Variants in SLC19A3 observed in about 807,000 individuals in gnomAD.
The protein encoded by SLC19A3 is thiamine transporter 2.
Under a neutral mutation model 40.2 loss-of-function variants are expected in SLC19A3, and 31 were observed. The ratio of observed to expected loss-of-function variants is 0.77; its 90% CI spans 0.58 to 1.04. The LOEUF (loss-of-function observed/expected upper bound fraction) is 1.04. Ranked by LOEUF, SLC19A3 falls within the 50% of genes least tolerant of loss-of-function variation. The pLI, the probability that SLC19A3 is intolerant of heterozygous loss-of-function variation, is 0.00. For synonymous variants in SLC19A3, 212 were observed against 227.5 expected, an observed-to-expected ratio of 0.93 and a Z score of 0.61; for missense variants, 592 against 596.7, an observed-to-expected ratio of 0.99 and a Z score of 0.08.
At chr2:227,690,706 C>CAAAAAA (rs34163746) in intron 4 of SLC19A3, among the ~76,000 whole-genome samples, 2 of 39,144 alleles carry the variant, frequency 5.1e-5, no homozygotes, top group Admixed American at 4.5e-4. Flanking sequence ...GACTCCATCT[C>CAAAAAA]AAAAAAAAAA....
At chr2:227,699,663 G>C in intron 2 of SLC19A3, 99 bp from the exon 3 acceptor site, 1 of 976,898 alleles carries the variant, frequency 1.0e-6, no homozygotes, top group Non-Finnish European at 1.6e-6. Context: ...GAAATTATTC[G>C]CATTACGGAG....
intron 3 of SLC19A3, 51 bp downstream of exon 3, chr2:227,698,685 G>C (rs575454292): frequency 6.7e-7 from 1 of 1,491,850 alleles, no homozygotes; most frequent in African/African-American, 1.4e-5. Context: ...CTGGAGGAAT[G>C]GACTTAAGCG....
chr2:227,696,799 C>A (rs909776320), intron 3 of SLC19A3, among the ~76,000 whole-genome samples: 1 of 152,254 alleles, frequency 6.6e-6, no homozygotes, highest in East Asian at 1.9e-4. Context: ...GGGACAGTGG[C>A]GCACTCCTGT....
Position 227,711,191 on chromosome 2 carries a change from G to A in SLC19A3, c.-3+6752C>T, listed in dbSNP as rs188404358. On this transcript the variant is annotated intron_variant, in intron 1 of 5. Transcript: ENST00000644224. ...CCAGCATTTTGGGAGGCTGAGACAG[G>A]CAGATCACCTCAGGTCAGGAGTTCG... Among the ~76,000 whole-genome samples, 20 of 152,224 alleles carry A rather than the reference G, an allele frequency of 1.3e-4. 1 individual carries two copies. The East Asian group carries it at 3.7e-3, about 28-fold the overall frequency.
In SLC19A3 at chr2:227,703,899, A is replaced by C; in HGVS notation, c.-2-1579T>G. Reference sequence around the variant, plus strand: ...GCCACAGTGATCCACAGGCTGCTAAAAGCCTGCTGGATTATCTATCTTTTT... The same window carrying C: ...GCCACAGTGATCCACAGGCTGCTAACAGCCTGCTGGATTATCTATCTTTTT... On this transcript the variant is annotated intron_variant, in intron 1 of 5. Transcript: ENST00000644224. The surrounding 1 kb of genome is among the most constrained non-coding windows in gnomAD (Gnocchi z 4.7). Among the ~76,000 whole-genome samples the C allele has an allele frequency of 6.6e-6, 1 of 152,196 alleles. No homozygotes were observed. Among genetic ancestry groups the C allele is most frequent in the Non-Finnish European group, 1.5e-5 (1 of 68,032 alleles).
intron 1 of SLC19A3, chr2:227,714,529 C>A: frequency 1.0e-6 from 1 of 985,352 alleles, no homozygotes. Context: ...TCTGCTCCTT[C>A]CTGCTGCCCG....
At position 227,699,077 on chromosome 2, in the gene SLC19A3, A is replaced by T; in HGVS notation, c.638T>A (p.Val213Glu). Residue 213 changes from valine to glutamate, a missense_variant, in exon 3 of 6, where the codon GTG becomes GAG. Coordinates refer to ENST00000644224, the MANE Select transcript of SLC19A3 (RefSeq NM_025243.4). ...PSREIKKSSS[V>E]NPVLEETHEG... is the part of the protein sequence containing the mutation. ...GTGAGTTTCCTCTAATACTGGATTC[A>T]CGCTTGATGACTTCTTTATTTCTCT... 1 of 1,614,180 alleles carries T rather than the reference A, an allele frequency of 6.2e-7. No individual in the cohort carries two copies. The highest frequency in any genetic ancestry group is 8.5e-7 in the Non-Finnish European group (1 of 1,180,036).
chr2:227,690,482 C>T (rs1185839780), intron 4 of SLC19A3, among the ~76,000 whole-genome samples: 1 of 151,742 alleles, frequency 6.6e-6, no homozygotes, highest in Non-Finnish European at 1.5e-5. Context: ...CCGAGGTGGG[C>T]AGATCATGAG....
chr2:227,697,998 G>A (rs1461308506), intron 3 of SLC19A3, among the ~76,000 whole-genome samples: 1 of 151,886 alleles, frequency 6.6e-6, no homozygotes, highest in African/African-American at 2.4e-5. Flanking sequence ...AGAATAGCTT[G>A]AACCTGGGAG....
chr2:227,706,309 T>C (rs1695940156), intron 1 of SLC19A3: 10 of 1,231,642 alleles, frequency 8.1e-6, no homozygotes. Context: ...TTTTCTGAGT[T>C]CATACCTGTG....
chr2:227,697,440 T>C (rs1695480762), intron 3 of SLC19A3, among the ~76,000 whole-genome samples: 1 of 152,212 alleles, frequency 6.6e-6, no homozygotes, highest in South Asian at 2.1e-4. Context: ...AAGACAGATT[T>C]CCCTCTGATA....
At position 227,703,982 on chromosome 2, in the gene SLC19A3, G is replaced by GA. The variant is rs56145335; in HGVS notation, c.-2-1663dup. Reference sequence around the variant, plus strand: ...TCGATTTAGTTGGGATGGTCAAGCAGAAAAAAACCTATAATAAGACATGCC... The same window carrying GA: ...TCGATTTAGTTGGGATGGTCAAGCAGAAAAAAAACCTATAATAAGACATGCC... On this transcript the variant is annotated intron_variant, in intron 1 of 5. Coordinates refer to ENST00000644224, the MANE Select transcript of SLC19A3 (RefSeq NM_025243.4). The surrounding 1 kb of genome is among the most constrained non-coding windows in gnomAD (Gnocchi z 4.7). Among the ~76,000 whole-genome samples, 147,520 of 152,086 alleles carry GA rather than the reference G, an allele frequency of 0.97. 71,695 individuals are homozygous for GA. The highest frequency in any genetic ancestry group is 1 in the Non-Finnish European group (67,973 of 68,006).
At chr2:227,689,488 C>T (rs1695140726) in intron 4 of SLC19A3, among the ~76,000 whole-genome samples, 2 of 152,186 alleles carry the variant, frequency 1.3e-5, no homozygotes, top group Admixed American at 6.5e-5. Context: ...AAAACTTTTA[C>T]CCTAGAATAG....
rs1212944012 is a variant in SLC19A3, at chr2:227,685,371, G to GT, written c.*2025dup. On this transcript the variant is annotated 3_prime_UTR_variant, in exon 6 of 6. Transcript: ENST00000644224. ...AGCAGGAGAAAGAGAGAGTGGGGAG[G>GT]TGCTACACACTTTTAAACTACCAGA... The GT allele has an allele frequency of 6.6e-6, 1 of 152,280 alleles. No homozygotes were observed. The highest frequency in any genetic ancestry group is 6.6e-5 in the Admixed American group (1 of 15,266). 9.4% of individuals were successfully genotyped at this position (152,280 alleles called of 1,614,324 possible).
chr2:227,702,156 T>C lies in SLC19A3; in HGVS notation c.150+13A>G. The C allele has an allele frequency of 6.2e-7, 1 of 1,608,014 alleles. No homozygotes were observed. The highest frequency in any genetic ancestry group is 2.2e-5 in the East Asian group (1 of 44,824). On this transcript the variant is annotated intron_variant, in intron 2 of 5. Coordinates refer to ENST00000644224, the MANE Select transcript of SLC19A3 (RefSeq NM_025243.4). ...AAAAAACCACATTAAGATATGTATG[T>C]ATGTTAACTTACCTCTGCACTGGTC...
chr2:227,692,036 AC>A (rs1695251628), intron 4 of SLC19A3, among the ~76,000 whole-genome samples: 1 of 152,186 alleles, frequency 6.6e-6, no homozygotes, highest in African/African-American at 2.4e-5. Flanking sequence ...GAAATCCAAA[AC>A]CTGAGAAGAC....
At chr2:227,707,080 C>G (rs113194857) in intron 1 of SLC19A3, among the ~76,000 whole-genome samples, 4 of 152,178 alleles carry the variant, frequency 2.6e-5, no homozygotes, top group Middle Eastern at 3.2e-3. Context: ...TGCACCTGCA[C>G]GGCAGACCAG....
chr2:227,698,950 G>C lies in SLC19A3; in HGVS notation c.765C>G (p.Ser255Arg). Residue 255 changes from serine to arginine, a missense_variant, in exon 3 of 6, where the codon AGC becomes AGG. Transcript: ENST00000644224. ...GCACAAAAACGTCCACAGTCACATT[G>C]CTTGGTTTCAGGCTGTTCAGCTGGC... is the stretch of plus-strand genomic sequence containing the variant. ...NKGQLNSLKP[S>R]NVTVDVFVQW... 6.2e-7 allele frequency: 1 copy of C among 1,614,176 alleles called. No homozygotes were observed. Among genetic ancestry groups the C allele is most frequent in the Non-Finnish European group, 8.5e-7 (1 of 1,180,024 alleles).
intron 4 of SLC19A3, among the ~76,000 whole-genome samples, chr2:227,693,733 A>G (rs1695319244): frequency 6.6e-6 from 1 of 152,178 alleles, no homozygotes; most frequent in South Asian, 2.1e-4. Flanking sequence ...AAAAATGGAC[A>G]AACGGGATCA....
Sources: allele counts gnomAD v4.1 joint callset (sites outside exome capture counted in the v4.1 genomes callset), GRCh38; gene constraint gnomAD v4.1.1; non-coding constraint Gnocchi (gnomAD v3.1); transcripts MANE v1.5; gene names NCBI Gene and HGNC (gene_info 2026-07-23, HGNC 2026-07-21).